Variants in TOX observed in about 807,000 individuals in gnomAD.
TOX encodes thymocyte selection-associated high mobility group box protein TOX.
In TOX, 11 loss-of-function variants were observed where a neutral mutation model predicts 53.7. The ratio of observed to expected loss-of-function variants is 0.20; its 90% CI spans 0.13 to 0.34. The LOEUF is 0.34. Ranked by LOEUF, TOX falls within the 10% of genes least tolerant of loss-of-function variation. The pLI is 1.00. For synonymous variants in TOX, 225 were observed against 245.3 expected (o/e 0.92, Z 0.77); for missense variants, 570 against 664.6 (o/e 0.86, Z 1.56).
rs551970820 is a variant in TOX at position 59,103,411 on chromosome 8, C to G, written c.102+15475G>C. ...AGGAGCAAAGAACTATATCCCAAAG[C>G]AGTAGAACTATAGAACAGCAAAGAC... On this transcript the variant is annotated intron_variant, in intron 1 of 8. Coordinates refer to ENST00000361421, the MANE Select transcript of TOX (RefSeq NM_014729.3). Among the ~76,000 whole-genome samples the G allele has an allele frequency of 2.0e-5, 3 of 152,308 alleles. No individual in the cohort carries two copies. The South Asian group carries it at 6.2e-4, about 32-fold the overall frequency.
At position 59,118,200 on chromosome 8, in the gene TOX, C is replaced by T. The variant is rs1805142416; in HGVS notation, c.102+686G>A. Reference sequence around the variant, plus strand: ...GCTTTGGACTTGAACGCGACGTGCTCGCCCGGCTCCCAACAAACTTGCAAT... The same window carrying T: ...GCTTTGGACTTGAACGCGACGTGCTTGCCCGGCTCCCAACAAACTTGCAAT... On this transcript the variant is annotated intron_variant, in intron 1 of 8. Transcript: ENST00000361421. This position sits in a 1 kb window ranked among gnomAD's most constrained non-coding sequence, Gnocchi z 4.1. 6.6e-6 allele frequency among the ~76,000 whole-genome samples: 1 copy of T among 152,222 alleles called. No individual in the cohort carries two copies. Among genetic ancestry groups the T allele is most frequent in the African/African-American group, 2.4e-5 (1 of 41,456 alleles).
chr8:58,981,289 C>A (rs1337717103), intron 1 of TOX, among the ~76,000 whole-genome samples: 1 of 152,092 alleles, frequency 6.6e-6, no homozygotes, highest in Non-Finnish European at 1.5e-5. Context: ...CCCTCTACCT[C>A]TCTCTAGTCG....
intron 3 of TOX, among the ~76,000 whole-genome samples, chr8:58,919,248 G>A (rs1402044505): frequency 1.7e-5 from 2 of 120,804 alleles, no homozygotes; most frequent in African/African-American, 3.5e-5. Context: ...GCATCGCCAA[G>A]TCAATCCTAA....
intron 1 of TOX, among the ~76,000 whole-genome samples, chr8:58,975,537 G>C (rs1445190488): frequency 6.6e-6 from 1 of 152,076 alleles, no homozygotes; most frequent in Non-Finnish European, 1.5e-5. Flanking sequence ...TAGTTTCTCA[G>C]TCCACATACA....
In TOX at chr8:59,119,120, C is replaced by T. The variant is rs1391195406; in HGVS notation, c.-133G>A. The stretch of plus-strand genomic sequence containing the variant: ...AAGAAACACCTTCCTTCCCTCACAT[C>T]CGTTTGTGGTTTGTTTAAGAAGAAG... On this transcript the variant is annotated 5_prime_UTR_variant, in exon 1 of 9. Coordinates refer to ENST00000361421, the MANE Select transcript of TOX (RefSeq NM_014729.3). 7 of 551,464 alleles carry T rather than the reference C, an allele frequency of 1.3e-5. No homozygotes were observed. The highest frequency in any genetic ancestry group is 7.4e-5 in the Admixed American group (2 of 27,070). The allele number at this position is 551,464 out of a possible 1,614,324, so 34.2% of individuals were successfully genotyped here. A position where few individuals can be genotyped will look rare whatever the true frequency, so the allele number is the denominator to read the frequency against.
chr8:59,083,677 C>T (rs570220846), intron 1 of TOX, among the ~76,000 whole-genome samples: 1 of 152,258 alleles, frequency 6.6e-6, no homozygotes, highest in African/African-American at 2.4e-5. Context: ...AATAAATATT[C>T]TCTTGCCAGC....
At chr8:58,826,952 T>C (rs751797601) in intron 5 of TOX, 50 bp from the exon 6 acceptor site, 9 of 1,531,342 alleles carry the variant, frequency 5.9e-6, no homozygotes, top group South Asian at 2.3e-5. Context: ...TTGCTTTTGT[T>C]TTCAGAGAAG....
chr8:58,864,352 T>C (rs896003053), intron 3 of TOX, among the ~76,000 whole-genome samples: 11 of 152,174 alleles, frequency 7.2e-5, no homozygotes, highest in African/African-American at 2.4e-4. Flanking sequence ...CAAGACTATA[T>C]GTCAGAATAT....
At chr8:59,019,226 T>C (rs1295707747) in intron 1 of TOX, among the ~76,000 whole-genome samples, 3 of 152,208 alleles carry the variant, frequency 2.0e-5, no homozygotes, top group African/African-American at 7.2e-5. Context: ...AATTACATAA[T>C]TTAGATAATT....
chr8:59,026,376 C>T (rs1395626894), intron 1 of TOX, among the ~76,000 whole-genome samples: 1 of 152,116 alleles, frequency 6.6e-6, no homozygotes, highest in Non-Finnish European at 1.5e-5. Flanking sequence ...AAGAATGGAA[C>T]TTGGTGGGCC....
At chr8:58,923,342 T>A (rs1812103643) in intron 3 of TOX, among the ~76,000 whole-genome samples, 1 of 152,152 alleles carries the variant, frequency 6.6e-6, no homozygotes, top group Non-Finnish European at 1.5e-5. Context: ...GAGGCATTTC[T>A]GTGGAGACTT....
chr8:58,884,238 A>G (rs1279508130), intron 3 of TOX, among the ~76,000 whole-genome samples: 1 of 152,180 alleles, frequency 6.6e-6, no homozygotes, highest in Non-Finnish European at 1.5e-5. Context: ...GCTGACAACA[A>G]TCCCTGGCAT....
intron 1 of TOX, among the ~76,000 whole-genome samples, chr8:58,966,014 G>T (rs181870407): frequency 2.6e-4 from 38 of 147,636 alleles, no homozygotes; most frequent in African/African-American, 9.0e-4. Context: ...AATATAGGGT[G>T]ATAATACGCA....
chr8:58,913,352 T>C (rs1389774429), intron 3 of TOX, among the ~76,000 whole-genome samples: 1 of 152,076 alleles, frequency 6.6e-6, no homozygotes, highest in Non-Finnish European at 1.5e-5. Context: ...AATTGAAAAT[T>C]TTATCTTTGT....
chr8:58,921,933 G>A (rs553451912), intron 3 of TOX, among the ~76,000 whole-genome samples: 41 of 152,162 alleles, frequency 2.7e-4, no homozygotes, highest in Admixed American at 5.2e-4. Flanking sequence ...TATTACCTAC[G>A]GACTCCTAGA....
chr8:59,082,291 G>C (rs1028148515), intron 1 of TOX, among the ~76,000 whole-genome samples: 5 of 152,240 alleles, frequency 3.3e-5, no homozygotes, highest in Admixed American at 2.6e-4. Context: ...TTGGGGAGTT[G>C]AAAGCATCAT....
intron 1 of TOX, among the ~76,000 whole-genome samples, chr8:58,975,709 A>G (rs1813084553): frequency 6.6e-6 from 1 of 152,158 alleles, no homozygotes; most frequent in African/African-American, 2.4e-5. Context: ...GTCTTGCCTT[A>G]CTGTTGATGA....
At chr8:58,934,237 A>G (rs1812307717) in intron 3 of TOX, among the ~76,000 whole-genome samples, 1 of 152,230 alleles carries the variant, frequency 6.6e-6, no homozygotes, top group Non-Finnish European at 1.5e-5. Context: ...TCAAAGTGCC[A>G]GAAATTTAAC....
At chr8:58,811,798 G>T (rs1203639862) in intron 7 of TOX, among the ~76,000 whole-genome samples, 1 of 152,042 alleles carries the variant, frequency 6.6e-6, no homozygotes, top group East Asian at 1.9e-4. Flanking sequence ...CAGAAGAAAA[G>T]AAAGAAAACT....
Sources: gnomAD v4.1 joint callset for allele counts (sites outside exome capture counted in the v4.1 genomes callset) on GRCh38, gnomAD v4.1.1 for gene constraint, Gnocchi (gnomAD v3.1) non-coding constraint, MANE v1.5 for transcripts, NCBI Gene and HGNC (gene_info 2026-07-23, HGNC 2026-07-21) for gene names.